Variants in TNRC6A observed in about 807,000 individuals in gnomAD.
TNRC6A encodes the protein trinucleotide repeat-containing gene 6A protein.
A neutral mutation model predicts 221.2 loss-of-function variants in TNRC6A; 44 were observed. The observed-to-expected ratio is 0.20, with a 90% CI of 0.16 to 0.26. The LOEUF (loss-of-function observed/expected upper bound fraction) is 0.26, where lower values mean the gene tolerates loss of function less well. TNRC6A is among the 10% of genes least tolerant of loss of function. The pLI is 1.00. For missense variants in TNRC6A, 2,199 were observed against 2,404.4 expected, an observed-to-expected ratio of 0.91 and a Z score of 1.79; for synonymous variants, 847 against 838.5, an observed-to-expected ratio of 1.01 and a Z score of -0.18.
In TNRC6A at chr16:24,809,333, G is replaced by GT; in HGVS notation, c.4541-11dup. Reference sequence around the variant, plus strand: ...GCTGTATTTTCTAAGGTTTTGTTTTGTTTTTTAATTTTTCAGGCTTGAACT... The same window carrying GT: ...GCTGTATTTTCTAAGGTTTTGTTTTGTTTTTTTAATTTTTCAGGCTTGAACT... On this transcript the variant is annotated splice_polypyrimidine_tract_variant and intron_variant, in intron 17 of 24. Coordinates refer to ENST00000395799, the MANE Select transcript of TNRC6A (RefSeq NM_014494.4). 2 of 1,489,266 alleles carry GT rather than the reference G, an allele frequency of 1.3e-6. No homozygotes were observed. Among genetic ancestry groups the GT allele is most frequent in the Non-Finnish European group, 1.8e-6 (2 of 1,109,238 alleles). The allele number at this position is 1,489,266 out of a possible 1,614,324, so 92.3% of individuals were successfully genotyped here. A position where few individuals can be genotyped will look rare whatever the true frequency, so the allele number is the denominator to read the frequency against.
At chr16:24,645,846 A>AC (rs1244338627) in intron 2 of TNRC6A, among the ~76,000 whole-genome samples, 2 of 134,804 alleles carry the variant, frequency 1.5e-5, no homozygotes, top group East Asian at 4.5e-4. Context: ...AAAAAAAAAA[A>AC]AAAAAAAAAA....
At chr16:24,726,505 C>G (rs1388201389), upstream of TNRC6A, among the ~76,000 whole-genome samples, 3 of 152,060 alleles carry the variant, frequency 2.0e-5, no homozygotes, top group African/African-American at 2.4e-5. Flanking sequence ...AAGATGAGGA[C>G]AGACATGTTT....
intron 3 of TNRC6A, among the ~76,000 whole-genome samples, chr16:24,757,834 G>C (rs1217938724): frequency 6.6e-6 from 1 of 152,126 alleles, no homozygotes; most frequent in African/African-American, 2.4e-5. Context: ...AAGTTTAATT[G>C]CAATAGCAGC....
rs1162764718 is a variant in TNRC6A at position 24,825,445 on chromosome 16, T to G, written c.*1638T>G. 2 of 152,676 alleles carry G rather than the reference T, an allele frequency of 1.3e-5. No homozygotes were observed. The highest frequency in any genetic ancestry group is 4.8e-5 in the African/African-American group (2 of 41,468). 9.5% of individuals were successfully genotyped at this position (152,676 alleles called of 1,614,324 possible). ...TCTTCAGATATAATAAACCATGACT[T>G]TTTGGCTGCTCAACATTAATTGTCT... On this transcript the variant is annotated 3_prime_UTR_variant, in exon 25 of 25. Transcript: ENST00000395799.
intron 1 of TNRC6A, among the ~76,000 whole-genome samples, chr16:24,614,274 C>T (rs1188018582): frequency 2.0e-5 from 3 of 152,312 alleles, no homozygotes; most frequent in East Asian, 3.9e-4. Flanking sequence ...ATCGTGTTTG[C>T]GAGGCCCCGT....
intron 2 of TNRC6A, among the ~76,000 whole-genome samples, chr16:24,654,740 A>T (rs1902869943): frequency 1.3e-5 from 2 of 152,048 alleles, no homozygotes; most frequent in Non-Finnish European, 2.9e-5. Context: ...AATAAAAAAT[A>T]AAAAATAAAA....
chr16:24,708,243 A>G (rs2056135585), intron 2 of TNRC6A, among the ~76,000 whole-genome samples: 1 of 110,672 alleles, frequency 9.0e-6, no homozygotes, highest in Admixed American at 1.1e-4. Context: ...TACATGGATG[A>G]GTTTTTTTTT....
upstream of TNRC6A, among the ~76,000 whole-genome samples, chr16:24,725,981 C>T (rs566990182): frequency 1.6e-3 from 238 of 149,458 alleles, 1 homozygote; most frequent in African/African-American, 4.9e-3. Context: ...GCCTGGGTGA[C>T]GGAGCAAGAC....
Position 24,797,907 on chromosome 16 carries a change from T to G in TNRC6A, c.3643-8T>G, listed in dbSNP as rs1020279258. On this transcript the variant is annotated splice_polypyrimidine_tract_variant and splice_region_variant and intron_variant, in intron 10 of 24. Transcript: ENST00000395799. ...GGTCTGCTAACATGCTGCATTTTCT[T>G]TCTTCAGAGAGACTCACCAGAGGAA... 5 of 1,602,410 alleles carry G rather than the reference T, an allele frequency of 3.1e-6. No homozygotes were observed. The highest frequency in any genetic ancestry group is 4.3e-6 in the Non-Finnish European group (5 of 1,174,410).
intron 2 of TNRC6A, among the ~76,000 whole-genome samples, chr16:24,649,615 T>C (rs1902516931): frequency 6.6e-6 from 1 of 152,004 alleles, no homozygotes; most frequent in Admixed American, 6.6e-5. Flanking sequence ...AGCCCTCACA[T>C]ACTTCTTTGT....
At position 24,823,898 on chromosome 16, in the gene TNRC6A, G is replaced by A. The variant is rs919879189; in HGVS notation, c.*91G>A. On this transcript the variant is annotated 3_prime_UTR_variant, in exon 25 of 25. Transcript: ENST00000395799. This position sits in a 1 kb window ranked among gnomAD's most constrained non-coding sequence, Gnocchi z 4.3. ...CGCCGCCTGCAGCCAGGGGCCGCCT[G>A]TGGGAACAGCTATTCTCTGCACATT... 2.3e-6 allele frequency: 3 copies of A among 1,299,424 alleles called. No homozygotes were observed. Among genetic ancestry groups the A allele is most frequent in the African/African-American group, 3.0e-5 (2 of 66,094 alleles). The allele number at this position is 1,299,424 out of a possible 1,614,324, so 80.5% of individuals were successfully genotyped here.
Position 24,699,083 on chromosome 16 carries a change from T to C in TNRC6A, n.403-51643T>C, listed in dbSNP as rs2055918896. Among the ~76,000 whole-genome samples, 2 of 152,142 alleles carry C rather than the reference T, an allele frequency of 1.3e-5. 1 individual carries two copies. The highest frequency in any genetic ancestry group is 4.1e-4 in the South Asian group (2 of 4,830). ...AATGGATAAGTGTTTCATGTTTCTG[T>C]TTTTTACCCACCTAGTCAGTGTGAT... On this transcript the variant is annotated intron_variant and non_coding_transcript_variant, in intron 2 of 2. Transcript: ENST00000566108.
chr16:24,825,544 T>C lies in TNRC6A; in HGVS notation c.*1737T>C, dbSNP rs181078542. 1 of 152,798 alleles carries C rather than the reference T, an allele frequency of 6.5e-6. No homozygotes were observed. The highest frequency in any genetic ancestry group is 1.9e-4 in the East Asian group (1 of 5,188). 9.5% of individuals were successfully genotyped at this position (152,798 alleles called of 1,614,324 possible). ...AAGTTGCTATGTATGAGGGTTCTCA[T>C]AGAGCAACCGATTAAAAATCTAAGC... On this transcript the variant is annotated 3_prime_UTR_variant, in exon 25 of 25. Coordinates refer to ENST00000395799, the MANE Select transcript of TNRC6A (RefSeq NM_014494.4).
chr16:24,758,637 T>C (rs895269948), intron 4 of TNRC6A, among the ~76,000 whole-genome samples: 2 of 152,276 alleles, frequency 1.3e-5, no homozygotes, highest in African/African-American at 4.8e-5. Context: ...TTGTTTTGAC[T>C]CTTGGGGCAC....
chr16:24,652,862 T>C (rs1902750201), intron 2 of TNRC6A, among the ~76,000 whole-genome samples: 1 of 152,172 alleles, frequency 6.6e-6, no homozygotes, highest in Admixed American at 6.6e-5. Flanking sequence ...CGTTTAATCC[T>C]TATCCCAAAC....
At chr16:24,638,235 T>C (rs1025946382) in intron 1 of TNRC6A, among the ~76,000 whole-genome samples, 4 of 151,646 alleles carry the variant, frequency 2.6e-5, no homozygotes, top group Non-Finnish European at 5.9e-5. Context: ...CTGGGTGACA[T>C]AGTGAGACCC....
chr16:24,823,692 C>T lies in TNRC6A; in HGVS notation c.5774C>T (p.Ser1925Phe). ...GTSLWGTPHYSTSLWGPPSSS... is the reference protein window; with the variant it reads ...GTSLWGTPHYFTSLWGPPSSS... Reference sequence around the variant, plus strand: ...TCACTCTGGGGGACCCCGCATTATTCCACAAGCCTGTGGGGTCCCCCAAGC... The same window carrying T: ...TCACTCTGGGGGACCCCGCATTATTTCACAAGCCTGTGGGGTCCCCCAAGC... Residue 1925 changes from serine (S) to phenylalanine (F), a missense_variant, in exon 25 of 25, where the codon TCC becomes TTC. By Grantham distance (155) the Ser-to-Phe change is radical (BLOSUM62 -2). This residue lies in a region of TNRC6A where 130 missense variants were observed against 121.7 expected (regional missense o/e 1.07). Coordinates refer to ENST00000395799, the MANE Select transcript of TNRC6A (RefSeq NM_014494.4). The surrounding 1 kb of genome is among the most constrained non-coding windows in gnomAD (Gnocchi z 4.3). The T allele has an allele frequency of 6.2e-7, 1 of 1,605,632 alleles. No individual in the cohort carries two copies. The highest frequency in any genetic ancestry group is 8.5e-7 in the Non-Finnish European group (1 of 1,174,636).
intron 2 of TNRC6A, among the ~76,000 whole-genome samples, chr16:24,705,557 C>T (rs539903809): frequency 6.6e-5 from 10 of 152,332 alleles, no homozygotes; most frequent in African/African-American, 1.9e-4. Context: ...GTCTCGAACT[C>T]CTGACTTCTG....
At chr16:24,651,758 C>T (rs1382419477) in intron 2 of TNRC6A, among the ~76,000 whole-genome samples, 1 of 150,414 alleles carries the variant, frequency 6.6e-6, no homozygotes, top group African/African-American at 2.4e-5. Context: ...TAAAAATAGG[C>T]ACATGGTTAG....
Sources: allele counts gnomAD v4.1 joint callset (sites outside exome capture counted in the v4.1 genomes callset), GRCh38; gene constraint gnomAD v4.1.1; regional missense constraint gnomAD v4.1.1; non-coding constraint Gnocchi (gnomAD v3.1); transcripts MANE v1.5; gene names NCBI Gene and HGNC (gene_info 2026-07-23, HGNC 2026-07-21).